The following STARD13 variants were observed in gnomAD, a reference collection of about 807,000 sequenced individuals.
STARD13 encodes the protein StAR related lipid transfer domain containing 13, also known as stAR-related lipid transfer protein 13.
STARD13 carries 62 observed loss-of-function variants against 106.4 expected under a neutral mutation model. The ratio of observed to expected loss-of-function variants is 0.58; its 90% CI spans 0.48 to 0.72. The LOEUF (loss-of-function observed/expected upper bound fraction) is 0.72. Among genes scored for constraint, STARD13 ranks in the 30% least tolerant of loss-of-function variants. STARD13 has a pLI of 0.00. For synonymous variants in STARD13, 565 were observed against 553.0 expected (o/e 1.02, Z -0.31); for missense variants, 1,387 against 1,424.0 (o/e 0.97, Z 0.42).
At chr13:33,504,026 A>T in the STARD13 span, among the ~76,000 whole-genome samples, 1 of 152,236 alleles carries the variant, frequency 6.6e-6, no homozygotes, top group African/African-American at 2.4e-5. Flanking sequence ...ACTGGTCATC[A>T]CAGAAATGCA....
At chr13:33,548,979 G>A in the STARD13 span, among the ~76,000 whole-genome samples, 1 of 151,826 alleles carries the variant, frequency 6.6e-6, no homozygotes, top group Non-Finnish European at 1.5e-5. Flanking sequence ...AATCACAAAA[G>A]CAATCAGTAA....
chr13:33,593,185 T>G, the STARD13 span, among the ~76,000 whole-genome samples: 1 of 152,092 alleles, frequency 6.6e-6, no homozygotes, highest in Non-Finnish European at 1.5e-5. Flanking sequence ...TATTTTTATT[T>G]TTTATTTTTT....
chr13:33,554,665 T>C, the STARD13 span, among the ~76,000 whole-genome samples: 12 of 152,364 alleles, frequency 7.9e-5, 1 homozygote, highest in South Asian at 2.3e-3. Context: ...AAGATATAAA[T>C]GCATGATCTC....
chr13:33,115,661 G>A (rs1875264056), intron 8 of STARD13, among the ~76,000 whole-genome samples: 1 of 152,172 alleles, frequency 6.6e-6, no homozygotes, highest in Non-Finnish European at 1.5e-5. Context: ...GGTAACCCAG[G>A]TCTTCTTTCC....
chr13:33,372,119 A>T, the STARD13 span, among the ~76,000 whole-genome samples: 1 of 152,356 alleles, frequency 6.6e-6, no homozygotes, highest in East Asian at 1.9e-4. Context: ...GCCAGAAAAA[A>T]GTTTAAAGTA....
In STARD13 at chr13:33,192,420, G is replaced by A. The variant is rs755835174; in HGVS notation, c.170-24798C>T. On this transcript the variant is annotated intron_variant, in intron 1 of 13. Transcript: ENST00000336934. ...GTATTTGCCCTGATATAAGTTGTACGAGGAAAGTTTATAGGACCTGTGAAA... is the reference window on the plus strand; with the variant it reads ...GTATTTGCCCTGATATAAGTTGTACAAGGAAAGTTTATAGGACCTGTGAAA... Among the ~76,000 whole-genome samples, 15 of 152,296 alleles carry A rather than the reference G, an allele frequency of 9.8e-5. No individual in the cohort carries two copies. In the East Asian group the frequency reaches 1.9e-3, roughly 20 times the overall value.
chr13:33,405,245 G>A, the STARD13 span, among the ~76,000 whole-genome samples: 1 of 152,226 alleles, frequency 6.6e-6, no homozygotes, highest in Non-Finnish European at 1.5e-5. Flanking sequence ...CAGAAAGCAG[G>A]CTGAGAACCT....
chr13:33,577,229 T>C, the STARD13 span, among the ~76,000 whole-genome samples: 2 of 152,308 alleles, frequency 1.3e-5, no homozygotes, highest in East Asian at 1.9e-4. Context: ...AATTACATCA[T>C]GTTTTATCGT....
the STARD13 span, among the ~76,000 whole-genome samples, chr13:33,458,304 G>A: frequency 6.8e-6 from 1 of 146,240 alleles, no homozygotes; most frequent in East Asian, 2.0e-4. Flanking sequence ...ACGGAGTCTT[G>A]TTCTGTCGCC....
intron 1 of STARD13, chr13:33,281,404 ATATGTGTG>A (rs1430390795): frequency 7.1e-6 from 1 of 140,770 alleles, no homozygotes; most frequent in East Asian, 2.1e-4. Context: ...GGTTTTCCAA[ATATGTGTG>A]TGTGTGTGTG....
chr13:33,269,688 TCTC>T (rs1891065294), intron 1 of STARD13, among the ~76,000 whole-genome samples: 1 of 152,208 alleles, frequency 6.6e-6, no homozygotes, highest in Admixed American at 6.5e-5. Context: ...AAGGTTTTAT[TCTC>T]CTCCTGCTGA....
At chr13:33,270,871 C>T (rs1359569990) in intron 1 of STARD13, among the ~76,000 whole-genome samples, 1 of 152,110 alleles carries the variant, frequency 6.6e-6, no homozygotes, top group Non-Finnish European at 1.5e-5. Flanking sequence ...CTCTGGAAAC[C>T]CAATTAGTGA....
At chr13:33,189,460 AAGGGAAGGGACTCTCTGGTTTGTCGTCCT>A (rs1158154745) in intron 1 of STARD13, among the ~76,000 whole-genome samples, 1 of 135,050 alleles carries the variant, frequency 7.4e-6, no homozygotes, top group Non-Finnish European at 1.6e-5. Context: ...AGCAGGAGGA[AAGGGAAGGGACTCTCTGGTTTGTCGTCCT>A]TTCAAAATTC....
chr13:33,127,522 C>G lies in STARD13; in HGVS notation c.1773G>C (p.Gln591His). ...PNRRLRWNSF[Q>H]LSHQPRPAPA... ...GGGCCGGCCGGGGCTGGTGCGACAG[C>G]TGGAAACTGTTCCATCGGAGTCGCC... Residue 591 changes from glutamine to histidine, a missense_variant, in exon 6 of 14, where the codon CAG becomes CAC. Gln to His is a conservative substitution (Grantham distance 24). Coordinates refer to ENST00000336934, the MANE Select transcript of STARD13 (RefSeq NM_178006.4). 2 of 1,560,158 alleles carry G rather than the reference C, an allele frequency of 1.3e-6. No individual in the cohort carries two copies. The highest frequency in any genetic ancestry group is 1.7e-6 in the Non-Finnish European group (2 of 1,160,518).
chr13:33,445,504 T>C, the STARD13 span, among the ~76,000 whole-genome samples: 1 of 152,042 alleles, frequency 6.6e-6, no homozygotes, highest in South Asian at 2.1e-4. Context: ...GAGTAATTTA[T>C]GGCTGACTTT....
At chr13:33,421,101 T>C in the STARD13 span, among the ~76,000 whole-genome samples, 1 of 151,890 alleles carries the variant, frequency 6.6e-6, no homozygotes. Flanking sequence ...ATAACTAAGA[T>C]CAGAGCAGAA....
At chr13:33,540,317 T>C in the STARD13 span, among the ~76,000 whole-genome samples, 1 of 152,238 alleles carries the variant, frequency 6.6e-6, no homozygotes, top group Admixed American at 6.5e-5. Context: ...AGGAAGCACA[T>C]TAAGGCTTCT....
the STARD13 span, among the ~76,000 whole-genome samples, chr13:33,576,256 T>C: frequency 6.6e-6 from 1 of 152,186 alleles, no homozygotes; most frequent in African/African-American, 2.4e-5. Flanking sequence ...AAGGTCTTGC[T>C]CTGTCACCCA....
At chr13:33,652,951 A>C in the STARD13 span, among the ~76,000 whole-genome samples, 1 of 152,202 alleles carries the variant, frequency 6.6e-6, no homozygotes, top group Non-Finnish European at 1.5e-5. Context: ...GAAAATACTT[A>C]GGATAAATTT....
Sources: gnomAD v4.1 joint callset for allele counts (sites outside exome capture counted in the v4.1 genomes callset) on GRCh38, gnomAD v4.1.1 for gene constraint, MANE v1.5 for transcripts, NCBI Gene and HGNC (gene_info 2026-07-23, HGNC 2026-07-21) for gene names.